The following ST3GAL4 variants were observed in gnomAD, a reference collection of about 807,000 sequenced individuals.
ST3GAL4 encodes the protein ST3 beta-galactoside alpha-2,3-sialyltransferase 4.
In ST3GAL4, 24 loss-of-function variants were observed where a neutral mutation model predicts 42.6. That is an observed-to-expected ratio of 0.56 (90% CI 0.41 to 0.79). ST3GAL4 has a LOEUF of 0.79. Among genes scored for constraint, ST3GAL4 ranks in the 30% least tolerant of loss-of-function variants. ST3GAL4 has a pLI of 0.00. For missense variants in ST3GAL4, 311 were observed against 430.8 expected (o/e 0.72, Z 2.46); for synonymous variants, 135 against 163.2 (o/e 0.83, Z 1.32).
chr11:126,378,986 A>G lies in ST3GAL4; in HGVS notation c.-61+23144A>G, dbSNP rs1007356932. On this transcript the variant is annotated intron_variant, in intron 1 of 10. Transcript: ENST00000444328. This position sits in a 1 kb window ranked among gnomAD's most constrained non-coding sequence, Gnocchi z 5.3. ...TTCCATTCATGTTTTCTGTGCGTAG[A>G]GATAAGTTACCATTAATGACATCAA... Among the ~76,000 whole-genome samples, 3 of 152,206 alleles carry G rather than the reference A, an allele frequency of 2.0e-5. No individual in the cohort carries two copies. The highest frequency in any genetic ancestry group is 2.9e-5 in the Non-Finnish European group (2 of 68,036).
In ST3GAL4 at chr11:126,410,540, A is replaced by G. The variant is rs1435188858; in HGVS notation, c.771+1129A>G. Among the ~76,000 whole-genome samples the G allele has an allele frequency of 1.3e-5, 2 of 152,360 alleles. No homozygotes were observed. Among genetic ancestry groups the G allele is most frequent in the East Asian group, 3.9e-4 (2 of 5,190 alleles). ...TTAAGGCTGTTGTAGGAGTTTGAAA[A>G]ATAATAATGATGTAAAATACCTATT... is the stretch of plus-strand genomic sequence containing the variant. On this transcript the variant is annotated intron_variant, in intron 9 of 10. Transcript: ENST00000444328. The surrounding 1 kb of genome is among the most constrained non-coding windows in gnomAD (Gnocchi z 5.3).
chr11:126,389,030 A>G (rs1350026719), intron 1 of ST3GAL4, among the ~76,000 whole-genome samples: 5 of 152,004 alleles, frequency 3.3e-5, no homozygotes, highest in Non-Finnish European at 7.4e-5. Flanking sequence ...CACCCGCCTC[A>G]GTCTCCCACA....
At chr11:126,389,241 A>G (rs990311072) in intron 1 of ST3GAL4, among the ~76,000 whole-genome samples, 1 of 152,216 alleles carries the variant, frequency 6.6e-6, no homozygotes, top group East Asian at 1.9e-4. Flanking sequence ...ATATGAAAAT[A>G]TCTCATCTAT....
chr11:126,402,094 A>C (rs11220474), intron 1 of ST3GAL4, among the ~76,000 whole-genome samples: 13 of 140,732 alleles, frequency 9.2e-5, no homozygotes, highest in South Asian at 4.7e-4. Context: ...TGGGGGAAAG[A>C]GGGGAGGTAG....
At position 126,366,866 on chromosome 11, in the gene ST3GAL4, G is replaced by T. The variant is rs936722669; in HGVS notation, c.-61+11024G>T. ...CTGCTCCAAAACTCTTAAAAGCAGA[G>T]CCGAGAGCCTGAATTCAGAGGCTGT... On this transcript the variant is annotated intron_variant, in intron 1 of 10. Transcript: ENST00000444328. The surrounding 1 kb of genome is among the most constrained non-coding windows in gnomAD (Gnocchi z 4.2). Among the ~76,000 whole-genome samples the T allele has an allele frequency of 6.6e-6, 1 of 152,200 alleles. No individual in the cohort carries two copies. The highest frequency in any genetic ancestry group is 2.4e-5 in the African/African-American group (1 of 41,442).
chr11:126,355,964 G>A lies in ST3GAL4; in HGVS notation c.-61+122G>A, dbSNP rs1253074654. 6.6e-6 allele frequency: 1 copy of A among 151,644 alleles called. No individual in the cohort carries two copies. Among genetic ancestry groups the A allele is most frequent in the Non-Finnish European group, 1.5e-5 (1 of 67,838 alleles). The allele number at this position is 151,644 out of a possible 1,614,324, so 9.4% of individuals were successfully genotyped here. A position where few individuals can be genotyped will look rare whatever the true frequency, so the allele number is the denominator to read the frequency against. On this transcript the variant is annotated intron_variant, in intron 1 of 10. Coordinates refer to ENST00000444328, the MANE Select transcript of ST3GAL4 (RefSeq NM_001254757.2). The surrounding 1 kb of genome is among the most constrained non-coding windows in gnomAD (Gnocchi z 7.1). ...TCCCGGAGGGGGTCGGGCCCTGCAC[G>A]TGGGCGCAGCGCGGGTCGGGGTGGG...
chr11:126,374,259 C>T (rs575053166), intron 1 of ST3GAL4, among the ~76,000 whole-genome samples: 1 of 151,960 alleles, frequency 6.6e-6, no homozygotes, highest in Admixed American at 6.6e-5. Flanking sequence ...CGAGACCAGC[C>T]TGGACAACAT....
At chr11:126,389,488 C>T (rs1034177768) in intron 1 of ST3GAL4, among the ~76,000 whole-genome samples, 3 of 152,210 alleles carry the variant, frequency 2.0e-5, no homozygotes, top group Non-Finnish European at 4.4e-5. Flanking sequence ...CACAAGCACA[C>T]ACTGTTTATA....
rs1034190731 is a variant in ST3GAL4 at position 126,398,670 on chromosome 11, A to G, written c.-60-7426A>G. ...TGGTGGTGGCTCTGACCCTGCAACC[A>G]GTCTCTGCCTGGGTCCCGAGTCTGT... On this transcript the variant is annotated intron_variant, in intron 1 of 10. Transcript: ENST00000444328. This position sits in a 1 kb window ranked among gnomAD's most constrained non-coding sequence, Gnocchi z 4.7. Among the ~76,000 whole-genome samples the G allele has an allele frequency of 6.6e-6, 1 of 152,234 alleles. No homozygotes were observed. Among genetic ancestry groups the G allele is most frequent in the South Asian group, 2.1e-4 (1 of 4,834 alleles).
At chr11:126,405,472 G>A (rs1050462056) in intron 1 of ST3GAL4, 9 of 152,728 alleles carry the variant, frequency 5.9e-5, no homozygotes, top group African/African-American at 2.2e-4. Context: ...ATGGCTGGGT[G>A]GGGAGGCGTG....
rs555682985 is a variant in ST3GAL4, at chr11:126,391,150, C to T, written c.-60-14946C>T. Among the ~76,000 whole-genome samples, 7 of 152,246 alleles carry T rather than the reference C, an allele frequency of 4.6e-5. No individual in the cohort carries two copies. Among genetic ancestry groups the T allele is most frequent in the East Asian group, 1.9e-4 (1 of 5,180 alleles). On this transcript the variant is annotated intron_variant, in intron 1 of 10. Coordinates refer to ENST00000444328, the MANE Select transcript of ST3GAL4 (RefSeq NM_001254757.2). This position sits in a 1 kb window ranked among gnomAD's most constrained non-coding sequence, Gnocchi z 5.5. ...AAAGTCAATAATGCTGCTGTGACCACGGGTGTACAGATATCTCTTTGACAT... is the reference window on the plus strand; with the variant it reads ...AAAGTCAATAATGCTGCTGTGACCATGGGTGTACAGATATCTCTTTGACAT...
In ST3GAL4 at chr11:126,396,765, G is replaced by A. The variant is rs751557835; in HGVS notation, c.-60-9331G>A. On this transcript the variant is annotated intron_variant, in intron 1 of 10. Coordinates refer to ENST00000444328, the MANE Select transcript of ST3GAL4 (RefSeq NM_001254757.2). This position sits in a 1 kb window ranked among gnomAD's most constrained non-coding sequence, Gnocchi z 5.8. ...TGAAGGAGCCAGAATTCCAGTGCCA[G>A]CTCCACTCCTCACGAGCTGTACAAC... Among the ~76,000 whole-genome samples, 230 of 149,786 alleles carry A rather than the reference G, an allele frequency of 1.5e-3. 3 individuals carry two copies. Among genetic ancestry groups the A allele is most frequent in the Non-Finnish European group, 2.9e-3 (195 of 67,438 alleles).
At chr11:126,357,938 G>A (rs750650145) in intron 1 of ST3GAL4, among the ~76,000 whole-genome samples, 1 of 152,220 alleles carries the variant, frequency 6.6e-6, no homozygotes, top group Non-Finnish European at 1.5e-5. Context: ...TAATACAAAT[G>A]TTTCCGTGCC....
Position 126,373,163 on chromosome 11 carries a change from G to GGGTGCTGCTCTGGAGAGGC in ST3GAL4, c.-61+17331_-61+17349dup, listed in dbSNP as rs1244267056. 6.6e-6 allele frequency among the ~76,000 whole-genome samples: 1 copy of GGGTGCTGCTCTGGAGAGGC among 152,300 alleles called. No homozygotes were observed. Among genetic ancestry groups the GGGTGCTGCTCTGGAGAGGC allele is most frequent in the East Asian group, 1.9e-4 (1 of 5,192 alleles). ...TTTGAAAGGGTCTGTTCTGGAGAGG[G>GGGTGCTGCTCTGGAGAGGC]GGTGCTGCTCTGGAGAGGCGGTGCT... On this transcript the variant is annotated intron_variant, in intron 1 of 10. Transcript: ENST00000444328. The surrounding 1 kb of genome is among the most constrained non-coding windows in gnomAD (Gnocchi z 5.5).
At chr11:126,402,596 T>A (rs1954055466) in intron 1 of ST3GAL4, among the ~76,000 whole-genome samples, 1 of 152,070 alleles carries the variant, frequency 6.6e-6, no homozygotes, top group Non-Finnish European at 1.5e-5. Flanking sequence ...TTAAGCCATA[T>A]CGCTTTTATG....
rs535175169 is a variant in ST3GAL4 at position 126,398,974 on chromosome 11, C to T, written c.-60-7122C>T. ...CCTGGCTTTTGACATAGTTCCTTCCCTCAGATTTTGGCACTGCCGGAGCTG... is the reference window on the plus strand; with the variant it reads ...CCTGGCTTTTGACATAGTTCCTTCCTTCAGATTTTGGCACTGCCGGAGCTG... On this transcript the variant is annotated intron_variant, in intron 1 of 10. Transcript: ENST00000444328. This position sits in a 1 kb window ranked among gnomAD's most constrained non-coding sequence, Gnocchi z 4.7. Among the ~76,000 whole-genome samples the T allele has an allele frequency of 1.3e-5, 2 of 152,296 alleles. No homozygotes were observed. The highest frequency in any genetic ancestry group is 4.8e-5 in the African/African-American group (2 of 41,574).
intron 1 of ST3GAL4, among the ~76,000 whole-genome samples, chr11:126,387,110 A>T (rs1953254542): frequency 6.6e-6 from 1 of 152,188 alleles, no homozygotes; most frequent in Admixed American, 6.5e-5. Context: ...GGCGCAGGTG[A>T]CGCGTGTTCT....
chr11:126,408,007 G>T, intron 6 of ST3GAL4, 92 bp from the exon 7 acceptor site: 1 of 1,405,344 alleles, frequency 7.1e-7, no homozygotes, highest in Non-Finnish European at 9.7e-7. Context: ...GGGGGCCTAG[G>T]AAGTGGTCCT....
chr11:126,362,022 C>G (rs1352386169), intron 1 of ST3GAL4, among the ~76,000 whole-genome samples: 1 of 147,856 alleles, frequency 6.8e-6, no homozygotes, highest in Non-Finnish European at 1.5e-5. Context: ...GCTGGGATCA[C>G]AGGTGTGTGC....
Sources: gnomAD v4.1 joint callset for allele counts (sites outside exome capture counted in the v4.1 genomes callset) on GRCh38, gnomAD v4.1.1 for gene constraint, Gnocchi (gnomAD v3.1) non-coding constraint, MANE v1.5 for transcripts, NCBI Gene and HGNC (gene_info 2026-07-23, HGNC 2026-07-21) for gene names.